ANO6: variants seen among roughly 807,000 people sequenced by gnomAD.
ANO6 encodes the protein anoctamin 6.
Under a neutral mutation model 117.5 loss-of-function variants are expected in ANO6, and 106 were observed. That is an observed-to-expected ratio of 0.90 (90% CI 0.77 to 1.06). The LOEUF (loss-of-function observed/expected upper bound fraction) is 1.06, where lower values mean the gene tolerates loss of function less well. Among genes scored for constraint, ANO6 ranks in the 50% least tolerant of loss-of-function variants. The pLI, the probability that ANO6 is intolerant of heterozygous loss-of-function variation, is 0.00. For missense variants in ANO6, 955 were observed against 1,121.1 expected (o/e 0.85, Z 2.12); for synonymous variants, 367 against 385.1 (o/e 0.95, Z 0.55).
chr12:45,357,092 G>T (rs114990248), intron 7 of ANO6, among the ~76,000 whole-genome samples, 198 bp from the exon 8 acceptor site: 1,998 of 152,256 alleles, frequency 0.013, 37 homozygotes, highest in African/African-American at 0.042. Context: ...ATAGTGATCA[G>T]TTCTTCCATA....
chr12:45,216,244 C>T lies in ANO6; in HGVS notation c.-78C>T. 6.6e-7 allele frequency: 1 copy of T among 1,510,190 alleles called. No homozygotes were observed. The allele number at this position is 1,510,190 out of a possible 1,614,324, so 93.5% of individuals were successfully genotyped here. On this transcript the variant is annotated 5_prime_UTR_variant, in exon 1 of 20. Transcript: ENST00000320560. ...ACGCCCCGCGGTCCCCGATCCGGCC[C>T]CTGGGAGAGCCGCGCCGTTCTGGAA...
intron 10 of ANO6, among the ~76,000 whole-genome samples, chr12:45,381,362 A>G (rs1357126062): frequency 1.3e-5 from 2 of 152,192 alleles, no homozygotes. Context: ...TTGCCAGAGA[A>G]CAGAAGTGTG....
In ANO6 at chr12:45,403,196, TCCAGGAGAC is replaced by T; in HGVS notation, c.1742_1750del (p.Gly581_Pro583del). 1 of 1,613,988 alleles carries T rather than the reference TCCAGGAGAC, an allele frequency of 6.2e-7. No homozygotes were observed. The highest frequency in any genetic ancestry group is 8.5e-7 in the Non-Finnish European group (1 of 1,179,918). On this transcript the variant is annotated inframe_deletion, in exon 14 of 20. Transcript: ENST00000320560. Reference sequence around the variant, plus strand: ...TCTTTAAGGGCAAATTTGTAGGCTATCCAGGAGACCCAGTTTATTGGTTGGGAAAATACA... The same window carrying T: ...TCTTTAAGGGCAAATTTGTAGGCTATCCAGTTTATTGGTTGGGAAAATACA...
chr12:45,319,850 G>A (rs1940194048), intron 2 of ANO6, among the ~76,000 whole-genome samples: 1 of 152,178 alleles, frequency 6.6e-6, no homozygotes. Flanking sequence ...TCTTGGGAGG[G>A]TGAATGTGTC....
intron 1 of ANO6, among the ~76,000 whole-genome samples, chr12:45,231,304 CTCTA>C (rs1317932458): frequency 6.6e-6 from 1 of 152,130 alleles, no homozygotes; most frequent in African/African-American, 2.4e-5. Context: ...ATGAAATACT[CTCTA>C]TCTAATTTGC....
chr12:45,308,048 A>ATTTTTTTGTT (rs1939729362), intron 2 of ANO6, among the ~76,000 whole-genome samples: 1 of 69,296 alleles, frequency 1.4e-5, no homozygotes, highest in Non-Finnish European at 2.6e-5. Context: ...TGTGTGTGTA[A>ATTTTTTTGTT]TTTTTTTTTT....
At chr12:45,262,013 C>T (rs968178393) in intron 1 of ANO6, among the ~76,000 whole-genome samples, 3 of 152,160 alleles carry the variant, frequency 2.0e-5, no homozygotes, top group African/African-American at 7.2e-5. Context: ...TTTTGATCCA[C>T]GTTTAACCTG....
chr12:45,347,134 G>A, intron 4 of ANO6, 47 bp downstream of exon 4: 2 of 1,570,156 alleles, frequency 1.3e-6, no homozygotes, highest in African/African-American at 1.3e-5. Flanking sequence ...CTGTTCTCGG[G>A]CAGCTTCGTG....
chr12:45,263,626 A>G (rs1274960162), intron 1 of ANO6, among the ~76,000 whole-genome samples: 1 of 152,106 alleles, frequency 6.6e-6, no homozygotes, highest in East Asian at 1.9e-4. Context: ...CTAACTTTTT[A>G]TAGATGTGTG....
chr12:45,286,702 T>G (rs1938927248), intron 1 of ANO6, among the ~76,000 whole-genome samples: 1 of 152,244 alleles, frequency 6.6e-6, no homozygotes, highest in Non-Finnish European at 1.5e-5. Context: ...ATAACATTTT[T>G]TCCCCTCTCA....
chr12:45,314,342 T>C (rs1032125026), intron 2 of ANO6, among the ~76,000 whole-genome samples: 2 of 151,658 alleles, frequency 1.3e-5, no homozygotes, highest in Non-Finnish European at 2.9e-5. Flanking sequence ...AGGTTTGGGC[T>C]GGAGGCCTAT....
At chr12:45,371,619 A>T (rs1256941134) in intron 9 of ANO6, among the ~76,000 whole-genome samples, 9 of 151,914 alleles carry the variant, frequency 5.9e-5, no homozygotes, top group Non-Finnish European at 1.2e-4. Context: ...CTCACACGGC[A>T]GGGTACTCCA....
At chr12:45,225,895 A>G (rs1282420174) in intron 1 of ANO6, among the ~76,000 whole-genome samples, 1 of 152,188 alleles carries the variant, frequency 6.6e-6, no homozygotes, top group Admixed American at 6.5e-5. Flanking sequence ...ATTTCCAATT[A>G]CCTTTAGCCA....
intron 2 of ANO6, among the ~76,000 whole-genome samples, chr12:45,329,022 CA>C (rs1348975566): frequency 2.6e-5 from 4 of 152,144 alleles, no homozygotes; most frequent in Admixed American, 2.0e-4. Context: ...ACAACCGTGT[CA>C]GGGGAGGAAT....
intron 1 of ANO6, among the ~76,000 whole-genome samples, chr12:45,242,591 C>A (rs569139271): frequency 5.1e-4 from 77 of 152,348 alleles, no homozygotes; most frequent in Admixed American, 2.1e-3. Context: ...CACTGTCCAA[C>A]CAGTCCCAAT....
chr12:45,401,759 G>A, intron 12 of ANO6, 36 bp from the exon 13 acceptor site: 1 of 1,536,188 alleles, frequency 6.5e-7, no homozygotes, highest in Non-Finnish European at 9.0e-7. Flanking sequence ...GCAGTTATTG[G>A]TGAGTCTCAT....
At chr12:45,242,710 G>C (rs1947765478) in intron 1 of ANO6, among the ~76,000 whole-genome samples, 1 of 152,322 alleles carries the variant, frequency 6.6e-6, no homozygotes, top group South Asian at 2.1e-4. Flanking sequence ...TCTTGGAACA[G>C]TACCTGTCAG....
chr12:45,327,178 A>AC (rs1940497187), intron 2 of ANO6, among the ~76,000 whole-genome samples: 1 of 152,200 alleles, frequency 6.6e-6, no homozygotes, highest in Non-Finnish European at 1.5e-5. Flanking sequence ...ACAAAAAAAA[A>AC]GAGTATTTCA....
intron 18 of ANO6, among the ~76,000 whole-genome samples, chr12:45,422,667 C>T (rs772918226): frequency 3.3e-5 from 5 of 151,750 alleles, no homozygotes; most frequent in South Asian, 4.2e-4. Flanking sequence ...CTTCACCTCT[C>T]GGGTTCAAGC....
Sources: gnomAD v4.1 joint callset for allele counts (sites outside exome capture counted in the v4.1 genomes callset) on GRCh38, gnomAD v4.1.1 for gene constraint, MANE v1.5 for transcripts, NCBI Gene and HGNC (gene_info 2026-07-23, HGNC 2026-07-21) for gene names.